The following GPATCH2 variants were observed in gnomAD, a reference collection of about 807,000 sequenced individuals.
GPATCH2 encodes G patch domain-containing protein 2.
Under a neutral mutation model 58.0 loss-of-function variants are expected in GPATCH2, and 51 were observed. That is an observed-to-expected ratio of 0.88 (90% confidence interval 0.70 to 1.11). The LOEUF is 1.11. Ranked by LOEUF, GPATCH2 falls within the 50% of genes most tolerant of loss-of-function variation. The probability of loss-of-function intolerance (pLI) is 0.00; values close to 1 mark genes in which losing one functional copy is unlikely to be tolerated. For missense variants in GPATCH2, 625 were observed against 652.2 expected, an observed-to-expected ratio of 0.96 and a Z score of 0.45; for synonymous variants, 222 against 218.5, an observed-to-expected ratio of 1.02 and a Z score of -0.14.
At chr1:217,443,420 C>T (rs1019754675) in intron 9 of GPATCH2, among the ~76,000 whole-genome samples, 14 of 152,188 alleles carry the variant, frequency 9.2e-5, no homozygotes, top group East Asian at 3.9e-4. Flanking sequence ...TTCATTCTTA[C>T]GTAGGTTATA....
At chr1:217,606,614 G>A (rs1162035156) in intron 5 of GPATCH2, among the ~76,000 whole-genome samples, 4 of 151,918 alleles carry the variant, frequency 2.6e-5, no homozygotes, top group Non-Finnish European at 4.4e-5. Flanking sequence ...GTTGGTGCAC[G>A]CCTGTAGACC....
At chr1:217,518,361 A>C (rs1313320003) in intron 5 of GPATCH2, among the ~76,000 whole-genome samples, 1 of 152,198 alleles carries the variant, frequency 6.6e-6, no homozygotes, top group Non-Finnish European at 1.5e-5. Flanking sequence ...CTAAATGATC[A>C]ATTATCAATG....
chr1:217,600,415 A>G (rs906008852), intron 5 of GPATCH2, among the ~76,000 whole-genome samples: 1 of 152,240 alleles, frequency 6.6e-6, no homozygotes, highest in South Asian at 2.1e-4. Context: ...CTTCAAATTC[A>G]CCTTCAGTTG....
At chr1:217,557,144 C>A (rs887125437) in intron 5 of GPATCH2, among the ~76,000 whole-genome samples, 1 of 152,094 alleles carries the variant, frequency 6.6e-6, no homozygotes, top group Admixed American at 6.6e-5. Flanking sequence ...CGGTGGTTCA[C>A]GCCTGTAATC....
At chr1:217,555,668 A>G (rs1474369553) in intron 5 of GPATCH2, among the ~76,000 whole-genome samples, 4 of 152,216 alleles carry the variant, frequency 2.6e-5, no homozygotes, top group Admixed American at 1.3e-4. Context: ...ATTCCAGGTT[A>G]TCACTTGGTG....
intron 9 of GPATCH2, among the ~76,000 whole-genome samples, chr1:217,441,075 T>C (rs573491944): frequency 3.3e-5 from 5 of 152,250 alleles, no homozygotes; most frequent in Non-Finnish European, 7.4e-5. Flanking sequence ...AGAACAAAGC[T>C]GGAGGCATCA....
intron 5 of GPATCH2, among the ~76,000 whole-genome samples, chr1:217,560,733 C>T (rs113063172): frequency 6.6e-6 from 1 of 152,308 alleles, no homozygotes; most frequent in African/African-American, 2.4e-5. Context: ...GGTGTGTACA[C>T]AGGATGCTTA....
Position 217,620,431 on chromosome 1 carries a change from T to A in GPATCH2, c.125A>T (p.Gln42Leu). 1 of 1,614,078 alleles carries A rather than the reference T, an allele frequency of 6.2e-7. No homozygotes were observed. Residue 42 changes from glutamine to leucine, a missense_variant, in exon 2 of 10, where the codon CAA becomes CTA. Coordinates refer to ENST00000366935, the MANE Select transcript of GPATCH2 (RefSeq NM_018040.5). The part of the protein sequence containing the change: ...LVSALEESSE[Q>L]ARGGFAETGD... ...TGTTTCAGCAAATCCACCTCGAGCT[T>A]GCTCTGAGCTCTCTTCCAATGCTGA...
chr1:217,492,931 A>G (rs1013712996), intron 7 of GPATCH2, among the ~76,000 whole-genome samples: 3 of 152,212 alleles, frequency 2.0e-5, no homozygotes, highest in Non-Finnish European at 4.4e-5. Context: ...GAACTGTTCA[A>G]TTACATCACT....
intron 5 of GPATCH2, chr1:217,608,330 G>A: frequency 1.0e-6 from 1 of 984,300 alleles, no homozygotes. Context: ...AAAAAACATA[G>A]ACCAGAAAAA....
chr1:217,515,297 T>C (rs1298234221), intron 5 of GPATCH2, among the ~76,000 whole-genome samples: 4 of 151,896 alleles, frequency 2.6e-5, no homozygotes, highest in East Asian at 2.0e-4. Flanking sequence ...GGGGTTTCAC[T>C]GTGTTAGCCA....
intron 5 of GPATCH2, among the ~76,000 whole-genome samples, chr1:217,586,185 C>T (rs963781086): frequency 6.6e-6 from 1 of 151,998 alleles, no homozygotes; most frequent in Non-Finnish European, 1.5e-5. Flanking sequence ...TTAAAATATC[C>T]TCTTTCTTCA....
intron 5 of GPATCH2, among the ~76,000 whole-genome samples, chr1:217,544,690 C>T (rs1000491447): frequency 2.0e-5 from 3 of 152,196 alleles, no homozygotes; most frequent in African/African-American, 4.8e-5. Context: ...TGATCTCGCT[C>T]TTCGGTTCTT....
At chr1:217,508,338 G>C (rs1571829016) in intron 6 of GPATCH2, among the ~76,000 whole-genome samples, 1 of 151,984 alleles carries the variant, frequency 6.6e-6, no homozygotes, top group Non-Finnish European at 1.5e-5. Flanking sequence ...TTACACAAAA[G>C]ATAAAATAAG....
Position 217,461,958 on chromosome 1 carries a change from A to G in GPATCH2, c.1278-12621T>C, listed in dbSNP as rs1660219218. Among the ~76,000 whole-genome samples the G allele has an allele frequency of 3.3e-5, 5 of 152,190 alleles. No homozygotes were observed. In the South Asian group the frequency reaches 1.0e-3, roughly 31 times the overall value. ...ACATACTGTAATAGCTAGGTGAGGT[A>G]TCACGAGGCTTGTGATAAGTACGTG... On this transcript the variant is annotated intron_variant, in intron 8 of 9. Transcript: ENST00000366935.
In GPATCH2 at chr1:217,620,330, A is replaced by G. The variant is rs774840074; in HGVS notation, c.226T>C (p.Tyr76His). ...GTCTCCCACGGGTGATGCACATTATACGACCTCCGTTTTCTCCCTCTCCTT... is the reference window on the plus strand; with the variant it reads ...GTCTCCCACGGGTGATGCACATTATGCGACCTCCGTTTTCTCCCTCTCCTT... ...RKRRGRKRRSYNVHHPWETGH... is the reference protein window; with the variant it reads ...RKRRGRKRRSHNVHHPWETGH... Residue 76 changes from tyrosine (Y) to histidine (H), a missense_variant, in exon 2 of 10, where the codon TAT becomes CAT. Tyr to His is a moderately conservative substitution (Grantham distance 83). Coordinates refer to ENST00000366935, the MANE Select transcript of GPATCH2 (RefSeq NM_018040.5). 19 of 1,614,048 alleles carry G rather than the reference A, an allele frequency of 1.2e-5. No homozygotes were observed. In the East Asian group the frequency reaches 3.8e-4, roughly 32 times the overall value.
At chr1:217,559,199 T>C (rs1157922684) in intron 5 of GPATCH2, among the ~76,000 whole-genome samples, 1 of 152,158 alleles carries the variant, frequency 6.6e-6, no homozygotes, top group Non-Finnish European at 1.5e-5. Context: ...TTAGATGGCA[T>C]GTGTAGAGCT....
At chr1:217,600,943 T>C (rs1027138001) in intron 5 of GPATCH2, among the ~76,000 whole-genome samples, 6 of 152,178 alleles carry the variant, frequency 3.9e-5, no homozygotes, top group Admixed American at 1.3e-4. Flanking sequence ...AAAAAGTCCA[T>C]AGATCACATA....
intron 6 of GPATCH2, among the ~76,000 whole-genome samples, chr1:217,511,947 G>C (rs1232543206): frequency 6.6e-6 from 1 of 152,074 alleles, no homozygotes; most frequent in East Asian, 1.9e-4. Flanking sequence ...GTCTGTAAGG[G>C]ACCTCCCCCA....
Sources: allele counts gnomAD v4.1 joint callset (sites outside exome capture counted in the v4.1 genomes callset), GRCh38; gene constraint gnomAD v4.1.1; transcripts MANE v1.5; gene names NCBI Gene and HGNC (gene_info 2026-07-23, HGNC 2026-07-21).